FNDC3B: variants seen among roughly 807,000 people sequenced by gnomAD.
FNDC3B encodes fibronectin type III domain-containing protein 3B.
Under a neutral mutation model 151.5 loss-of-function variants are expected in FNDC3B, and 12 were observed. That is an observed-to-expected ratio of 0.08 (90% confidence interval 0.05 to 0.13). The LOEUF is 0.13. Ranked by LOEUF, FNDC3B falls within the 10% of genes least tolerant of loss-of-function variation. The probability of loss-of-function intolerance (pLI) is 1.00; values close to 1 mark genes in which losing one functional copy is unlikely to be tolerated. For missense variants in FNDC3B, 1,214 were observed against 1,505.3 expected (o/e 0.81, Z 3.20); for synonymous variants, 528 against 549.0 (o/e 0.96, Z 0.54).
At chr3:172,271,516 G>C (rs1028558367) in intron 6 of FNDC3B, among the ~76,000 whole-genome samples, 2 of 152,080 alleles carry the variant, frequency 1.3e-5, no homozygotes, top group African/African-American at 4.8e-5. Context: ...TGGTTTATGC[G>C]CTCTTATTCT....
chr3:172,107,490 T>G (rs1439567936), intron 1 of FNDC3B, among the ~76,000 whole-genome samples: 1 of 152,162 alleles, frequency 6.6e-6, no homozygotes, highest in African/African-American at 2.4e-5. Context: ...AGTGTGGATG[T>G]GGTACAGCCT....
intron 1 of FNDC3B, among the ~76,000 whole-genome samples, chr3:172,087,047 C>T (rs202113944): frequency 2.0e-5 from 3 of 152,158 alleles, no homozygotes; most frequent in Non-Finnish European, 4.4e-5. Flanking sequence ...CCATTTCTTC[C>T]AAGCCACTCC....
rs1725189204 is a variant in FNDC3B, at chr3:172,202,198, T to G, written c.188-24673T>G. Among the ~76,000 whole-genome samples, 4 of 152,254 alleles carry G rather than the reference T, an allele frequency of 2.6e-5. No individual in the cohort carries two copies. In the South Asian group the frequency reaches 8.3e-4, roughly 32 times the overall value. On this transcript the variant is annotated intron_variant, in intron 3 of 25. Coordinates refer to ENST00000415807, the MANE Select transcript of FNDC3B (RefSeq NM_022763.4). ...ATCATCTAGAATTTCCCGGTACCCT[T>G]TTTTTCCTCCCTCTCTTTAATGACT...
At chr3:172,323,625 G>T (rs1732197789) in intron 11 of FNDC3B, among the ~76,000 whole-genome samples, 1 of 152,200 alleles carries the variant, frequency 6.6e-6, no homozygotes, top group African/African-American at 2.4e-5. Flanking sequence ...TCTTGGAGAT[G>T]TTTTCAGGGG....
At chr3:172,231,240 A>G (rs1170378966) in intron 4 of FNDC3B, among the ~76,000 whole-genome samples, 1 of 152,218 alleles carries the variant, frequency 6.6e-6, no homozygotes, top group Non-Finnish European at 1.5e-5. Context: ...CTTATATAAA[A>G]TGTCTACAAT....
chr3:172,307,205 A>G, intron 9 of FNDC3B, 158 bp from the exon 10 acceptor site: 3 of 698,544 alleles, frequency 4.3e-6, no homozygotes, highest in East Asian at 2.6e-5. Flanking sequence ...AATGCTAACC[A>G]TAGGTCAGGA....
rs755817311 is a variant in FNDC3B, at chr3:172,346,334, C to G, written c.2258C>G (p.Pro753Arg). ...VRALNDGGYG[P>R]YSDVSEITTA... Reference sequence around the variant, plus strand: ...GCGTGTGTTTTCTTTCAGTATGGTCCCTATTCTGATGTCTCAGAAATTACC... The same window carrying G: ...GCGTGTGTTTTCTTTCAGTATGGTCGCTATTCTGATGTCTCAGAAATTACC... Residue 753 changes from proline (P) to arginine (R), a missense_variant, in exon 20 of 26, where the codon CCC becomes CGC. This residue lies in a region of FNDC3B where 380 missense variants were observed against 420.9 expected (regional missense o/e 0.90). Coordinates refer to ENST00000415807, the MANE Select transcript of FNDC3B (RefSeq NM_022763.4). 2.5e-6 allele frequency: 4 copies of G among 1,601,380 alleles called. No homozygotes were observed. The Admixed American group carries it at 6.7e-5, about 27-fold the overall frequency.
At chr3:172,317,250 C>A (rs1224892845) in intron 11 of FNDC3B, 4 of 410,354 alleles carry the variant, frequency 9.7e-6, no homozygotes, top group Non-Finnish European at 1.4e-5. Context: ...GTGGTGCGAT[C>A]TCAGCTCACT....
At chr3:172,071,588 T>A (rs1321104614) in intron 1 of FNDC3B, among the ~76,000 whole-genome samples, 3 of 152,188 alleles carry the variant, frequency 2.0e-5, no homozygotes, top group Non-Finnish European at 2.9e-5. Context: ...AATTTTTTTT[T>A]ATTCTCTGTG....
rs146167455 is a variant in FNDC3B, at chr3:172,299,685, T to C, written c.1061+898T>C. Among the ~76,000 whole-genome samples the C allele has an allele frequency of 2.7e-3, 404 of 152,282 alleles. 1 individual carries two copies. Among genetic ancestry groups the C allele is most frequent in the African/African-American group, 9.1e-3 (380 of 41,546 alleles). On this transcript the variant is annotated intron_variant, in intron 9 of 25. Coordinates refer to ENST00000415807, the MANE Select transcript of FNDC3B (RefSeq NM_022763.4). ...AGAATAAAATTGTAAGCATGAAATA[T>C]ACATCTATTACTATACTTTCCAAAG...
At chr3:172,111,042 C>T (rs578057272) in intron 1 of FNDC3B, among the ~76,000 whole-genome samples, 10 of 143,140 alleles carry the variant, frequency 7.0e-5, no homozygotes, top group South Asian at 4.4e-4. Context: ...GAGGTTGCAG[C>T]GAGCTGAGAT....
intron 3 of FNDC3B, among the ~76,000 whole-genome samples, chr3:172,208,044 G>T (rs1725519742): frequency 6.6e-6 from 1 of 152,214 alleles, no homozygotes. Context: ...TCTTTAGAGG[G>T]AAGATTTGTT....
intron 25 of FNDC3B, among the ~76,000 whole-genome samples, chr3:172,384,691 T>G (rs1735618724): frequency 6.6e-6 from 1 of 152,250 alleles, no homozygotes; most frequent in Non-Finnish European, 1.5e-5. Flanking sequence ...GCAGCATTAT[T>G]TGCTTGATAC....
intron 3 of FNDC3B, among the ~76,000 whole-genome samples, chr3:172,194,240 C>A (rs891462893): frequency 2.0e-5 from 3 of 151,898 alleles, no homozygotes; most frequent in African/African-American, 7.3e-5. Flanking sequence ...GAAAAATTAT[C>A]TTAGTGGTTA....
At chr3:172,100,744 G>C (rs1404601615) in intron 1 of FNDC3B, among the ~76,000 whole-genome samples, 1 of 152,142 alleles carries the variant, frequency 6.6e-6, no homozygotes, top group Non-Finnish European at 1.5e-5. Context: ...GTCACATTAA[G>C]TGAAAAACAA....
Position 172,078,595 on chromosome 3 carries a change from T to A in FNDC3B, c.-28-33857T>A, listed in dbSNP as rs182871740. Among the ~76,000 whole-genome samples, 6 of 152,352 alleles carry A rather than the reference T, an allele frequency of 3.9e-5. No homozygotes were observed. In the East Asian group the frequency reaches 1.2e-3, roughly 29 times the overall value. On this transcript the variant is annotated intron_variant, in intron 1 of 25. Transcript: ENST00000415807. Reference sequence around the variant, plus strand: ...TCATTTGTGAAACAAAACCTGCCTTTTCTTTTTCATCCTAGCTTCTTTGAA... The same window carrying A: ...TCATTTGTGAAACAAAACCTGCCTTATCTTTTTCATCCTAGCTTCTTTGAA...
intron 22 of FNDC3B, among the ~76,000 whole-genome samples, chr3:172,356,180 G>A (rs1023078318): frequency 3.3e-5 from 5 of 152,156 alleles, no homozygotes; most frequent in African/African-American, 1.2e-4. Flanking sequence ...AGGTGAGATG[G>A]GCTTTACTAG....
In FNDC3B at chr3:172,133,466, G is replaced by A; in HGVS notation, c.112-5G>A. 6.2e-7 allele frequency: 1 copy of A among 1,610,168 alleles called. No individual in the cohort carries two copies. Among genetic ancestry groups the A allele is most frequent in the Non-Finnish European group, 8.5e-7 (1 of 1,176,950 alleles). On this transcript the variant is annotated splice_polypyrimidine_tract_variant and splice_region_variant and intron_variant, in intron 2 of 25. Transcript: ENST00000415807. ...TAAACTGAAATTAATGTGTTGTTTT[G>A]GCAGGTTATTCTCGTTCAAGTTAAT...
intron 3 of FNDC3B, among the ~76,000 whole-genome samples, chr3:172,211,491 G>T (rs1173418954): frequency 6.6e-6 from 1 of 152,212 alleles, no homozygotes; most frequent in African/African-American, 2.4e-5. Context: ...ACCTGATTTT[G>T]CAAAGGGGCA....
Sources: gnomAD v4.1 joint callset for allele counts (sites outside exome capture counted in the v4.1 genomes callset) on GRCh38, gnomAD v4.1.1 for gene constraint, gnomAD v4.1.1 regional missense constraint, MANE v1.5 for transcripts, NCBI Gene and HGNC (gene_info 2026-07-23, HGNC 2026-07-21) for gene names.